LYPD8: variants seen among roughly 807,000 people sequenced by gnomAD.
LYPD8 encodes the protein ly6/PLAUR domain-containing protein 8.
Under a neutral mutation model 1.7 loss-of-function variants are expected in LYPD8, and 8 were observed. That is an observed-to-expected ratio of 4.58 (90% CI 2.69 to 8.27). The LOEUF is 8.27. Ranked by LOEUF, LYPD8 falls within the 30% of genes most tolerant of loss-of-function variation. The pLI is 0.00. For missense variants in LYPD8, 112 were observed against 102.3 expected, an observed-to-expected ratio of 1.09 and a Z score of -0.41; for synonymous variants, 50 against 43.6, an observed-to-expected ratio of 1.15 and a Z score of -0.58.
At chr1:248,752,659 C>A (rs1481884666) in intron 2 of LYPD8, among the ~76,000 whole-genome samples, 7,072 of 90,292 alleles carry the variant, frequency 0.078, 531 homozygotes, top group East Asian at 0.27. Flanking sequence ...ACAACACACA[C>A]CACACACACC....
At position 248,754,344 on chromosome 1, in the gene LYPD8, C is replaced by T. The variant is rs968183693; in HGVS notation, c.-50+895G>A. On this transcript the variant is annotated intron_variant, in intron 2 of 6. Transcript: ENST00000590317. ...CAAATCACATCACAGACACCACATA[C>T]GCACCACACCACATACCACACACAC... is the stretch of plus-strand genomic sequence containing the variant. 9.9e-5 allele frequency among the ~76,000 whole-genome samples: 15 copies of T among 150,830 alleles called. No homozygotes were observed. The South Asian group carries it at 1.1e-3, about 11-fold the overall frequency.
In LYPD8 at chr1:248,751,857, T is replaced by C. The variant is rs1004471609; in HGVS notation, c.-49-727A>G. 2.0e-5 allele frequency among the ~76,000 whole-genome samples: 3 copies of C among 152,130 alleles called. No individual in the cohort carries two copies. The East Asian group carries it at 5.8e-4, about 29-fold the overall frequency. ...TGCAGCACTAAATCAGAGTCCCCCA[T>C]GCACTTCCAAATAGCGTGTCACCAA... On this transcript the variant is annotated intron_variant, in intron 2 of 6. Coordinates refer to ENST00000590317, the MANE Select transcript of LYPD8 (RefSeq NM_001085474.2).
At chr1:248,751,307 GT>G (rs1662798440) in intron 2 of LYPD8, among the ~76,000 whole-genome samples, 177 bp from the exon 3 acceptor site, 1 of 151,482 alleles carries the variant, frequency 6.6e-6, no homozygotes, top group African/African-American at 2.4e-5. Context: ...GGAGGGCCAA[GT>G]TTTCTTAATC....
chr1:248,754,123 C>T (rs1182725634), intron 2 of LYPD8, among the ~76,000 whole-genome samples: 1 of 145,096 alleles, frequency 6.9e-6, no homozygotes, highest in Admixed American at 6.8e-5. Context: ...ACCACACATA[C>T]ACCACACCAC....
intron 6 of LYPD8, among the ~76,000 whole-genome samples, chr1:248,741,996 G>A (rs1662608340): frequency 6.6e-6 from 1 of 152,104 alleles, no homozygotes; most frequent in African/African-American, 2.4e-5. Flanking sequence ...TTAAGGCAGT[G>A]GAAATACTCT....
chr1:248,752,878 CACACAACACATACACACATCACACACA>C (rs2103172944), intron 2 of LYPD8, among the ~76,000 whole-genome samples: 1 of 106,212 alleles, frequency 9.4e-6, no homozygotes, highest in African/African-American at 4.2e-5. Context: ...CCACACACCC[CACACAACACATACACACATCACACACA>C]CCCCACACAC....
In LYPD8 at chr1:248,739,943, C is replaced by T. The variant is rs527245584; in HGVS notation, c.476-94G>A. ...GTTCTTCACCTGCAGCACGGTGGCC[C>T]GGTGACCAGCAAGAGCTGGTGTGCT... is the stretch of plus-strand genomic sequence containing the variant. On this transcript the variant is annotated intron_variant, in intron 6 of 6. Transcript: ENST00000590317. This position sits in a 1 kb window ranked among gnomAD's most constrained non-coding sequence, Gnocchi z 4.3. 18 of 1,487,792 alleles carry T rather than the reference C, an allele frequency of 1.2e-5. No individual in the cohort carries two copies. Among genetic ancestry groups the T allele is most frequent in the Admixed American group, 2.0e-5 (1 of 49,386 alleles). 92.2% of individuals were successfully genotyped at this position (1,487,792 alleles called of 1,614,324 possible). A position where few individuals can be genotyped will look rare whatever the true frequency, so the allele number is the denominator to read the frequency against.
chr1:248,743,270 G>T (rs1553283717), intron 6 of LYPD8, among the ~76,000 whole-genome samples: 1 of 152,140 alleles, frequency 6.6e-6, no homozygotes, highest in African/African-American at 2.4e-5. Flanking sequence ...TTTGAGACCA[G>T]CCTGGCCAAC....
chr1:248,740,560 C>T (rs570375248), intron 6 of LYPD8, among the ~76,000 whole-genome samples: 5 of 152,388 alleles, frequency 3.3e-5, no homozygotes, highest in Admixed American at 2.6e-4. Flanking sequence ...GCCCTGGAGA[C>T]AGGCACCTCA....
chr1:248,739,968 T>A lies in LYPD8; in HGVS notation c.476-119A>T. On this transcript the variant is annotated intron_variant, in intron 6 of 6. Transcript: ENST00000590317. The surrounding 1 kb of genome is among the most constrained non-coding windows in gnomAD (Gnocchi z 4.3). ...CGGTGACCAGCAAGAGCTGGTGTGCTCCTGAAGCCCAGGCAGGAAGAAGGA... is the reference window on the plus strand; with the variant it reads ...CGGTGACCAGCAAGAGCTGGTGTGCACCTGAAGCCCAGGCAGGAAGAAGGA... The A allele has an allele frequency of 7.5e-7, 1 of 1,329,712 alleles. No homozygotes were observed. The highest frequency in any genetic ancestry group is 1.0e-6 in the Non-Finnish European group (1 of 978,912). 82.4% of individuals were successfully genotyped at this position (1,329,712 alleles called of 1,614,324 possible). A position where few individuals can be genotyped will look rare whatever the true frequency, so the allele number is the denominator to read the frequency against.
At chr1:248,744,871 C>T (rs74310596) in intron 6 of LYPD8, among the ~76,000 whole-genome samples, 32,397 of 152,096 alleles carry the variant, frequency 0.21, 6,711 homozygotes, top group African/African-American at 0.54. Flanking sequence ...GGGTGTGATG[C>T]GCTTAGACAA....
intron 4 of LYPD8, among the ~76,000 whole-genome samples, chr1:248,748,677 T>G (rs1662751335): frequency 6.6e-6 from 1 of 152,154 alleles, no homozygotes; most frequent in South Asian, 2.1e-4. Context: ...CAGGTTAAAC[T>G]CCAGGCAAAA....
At chr1:248,749,575 C>T (rs1336886442) in intron 4 of LYPD8, among the ~76,000 whole-genome samples, 1 of 152,144 alleles carries the variant, frequency 6.6e-6, no homozygotes, top group Admixed American at 6.5e-5. Context: ...AGGGTGAGAG[C>T]AAGTGAGGGA....
At chr1:248,745,102 A>T (rs1043614477) in intron 6 of LYPD8, 40 bp downstream of exon 6, 4 of 398,336 alleles carry the variant, frequency 1.0e-5, no homozygotes, top group Non-Finnish European at 1.8e-5. Flanking sequence ...ACATGTTTCC[A>T]GCCCAAGTCC....
intron 2 of LYPD8, among the ~76,000 whole-genome samples, chr1:248,752,838 C>A (rs1425465073): frequency 6.5e-5 from 4 of 61,442 alleles, no homozygotes; most frequent in Non-Finnish European, 9.5e-5. Flanking sequence ...CACACCACAC[C>A]CCACACACAC....
chr1:248,752,656 ACAC>A (rs1662822380), intron 2 of LYPD8, among the ~76,000 whole-genome samples: 1 of 119,084 alleles, frequency 8.4e-6, no homozygotes. Context: ...CACACAACAC[ACAC>A]CACACACACC....
chr1:248,753,237 A>ACAT (rs1321652068), intron 2 of LYPD8, among the ~76,000 whole-genome samples: 4 of 106,418 alleles, frequency 3.8e-5, no homozygotes, highest in Non-Finnish European at 7.6e-5. Context: ...CACACACACC[A>ACAT]CACACCCCAC....
At chr1:248,749,828 T>A (rs1662765488) in intron 4 of LYPD8, among the ~76,000 whole-genome samples, 1 of 151,840 alleles carries the variant, frequency 6.6e-6, no homozygotes, top group East Asian at 1.9e-4. Flanking sequence ...ATGGAGAAAA[T>A]GACCGATGAC....
chr1:248,751,788 C>G (rs947547066), intron 2 of LYPD8, among the ~76,000 whole-genome samples: 143,772 of 152,146 alleles, frequency 0.94, 68,436 homozygotes, highest in East Asian at 1. Context: ...AGCCCACACT[C>G]CCTTCCACTA....
Sources: allele counts gnomAD v4.1 joint callset (sites outside exome capture counted in the v4.1 genomes callset), GRCh38; gene constraint gnomAD v4.1.1; non-coding constraint Gnocchi (gnomAD v3.1); transcripts MANE v1.5; gene names NCBI Gene and HGNC (gene_info 2026-07-23, HGNC 2026-07-21).